NLRC5: variants seen among roughly 807,000 people sequenced by gnomAD.
NLRC5 encodes the protein NLR family CARD domain containing 5.
A neutral mutation model predicts 206.9 loss-of-function variants in NLRC5; 114 were observed. That is an observed-to-expected ratio of 0.55 (90% CI 0.47 to 0.64). The LOEUF is 0.64. Ranked by LOEUF, NLRC5 falls within the 30% of genes least tolerant of loss-of-function variation. The pLI, the probability that NLRC5 is intolerant of heterozygous loss-of-function variation, is 0.00. For synonymous variants in NLRC5, 952 were observed against 962.8 expected, an observed-to-expected ratio of 0.99 and a Z score of 0.21; for missense variants, 2,008 against 2,305.5, an observed-to-expected ratio of 0.87 and a Z score of 2.64.
rs1446249343 is a variant in NLRC5 at position 57,040,679 on chromosome 16, A to C, written c.2900A>C (p.Gln967Pro). 6.2e-7 allele frequency: 1 copy of C among 1,614,156 alleles called. No individual in the cohort carries two copies. The highest frequency in any genetic ancestry group is 8.5e-7 in the Non-Finnish European group (1 of 1,180,020). ...RAAFLDSLML[Q>P]MPSELPLSSR... ...GCATTTCTTGACAGCCTCATGCTCC[A>C]GATGCCCTCTGAGCTGCCTCTGAGC... is the stretch of plus-strand genomic sequence containing the variant. The change falls in exon 17 of 49, where the codon CAG (glutamine) becomes CCG (proline). Residue 967 changes from glutamine (Q) to proline (P), a missense_variant. Physicochemically the swap from Gln to Pro is moderately conservative, Grantham distance 76 (BLOSUM62 -1). Transcript: ENST00000688547.
chr16:57,036,032 G>A lies in NLRC5; in HGVS notation c.2628-68G>A, dbSNP rs2062523503. Reference sequence around the variant, plus strand: ...ACTTTGACTAAAGTTAGCAAAGGAGGAGTAAGTGATGGGGATTGAGGGAGG... The same window carrying A: ...ACTTTGACTAAAGTTAGCAAAGGAGAAGTAAGTGATGGGGATTGAGGGAGG... On this transcript the variant is annotated intron_variant, in intron 13 of 48. Transcript: ENST00000688547. The A allele has an allele frequency of 2.8e-6, 4 of 1,414,928 alleles. No homozygotes were observed. The South Asian group carries it at 4.6e-5, about 16-fold the overall frequency. The allele number at this position is 1,414,928 out of a possible 1,614,324, so 87.6% of individuals were successfully genotyped here.
In NLRC5 at chr16:57,081,593, T is replaced by C. The variant is rs1362737210; in HGVS notation, c.5472T>C (p.Ser1824=). The C allele has an allele frequency of 6.2e-7, 1 of 1,614,054 alleles. No homozygotes were observed. Among genetic ancestry groups the C allele is most frequent in the Admixed American group, 1.7e-5 (1 of 60,016 alleles). Residue 1824 remains serine, a synonymous_variant, in exon 48 of 49, where the codon TCT becomes TCC. Transcript: ENST00000688547. ...TGGCTGAAGGACTGGCCCAGGGGTC[T>C]AGCATCCAAGTCATCCGGTAACAGA... ...WLLAEGLAQG[S]SIQVIRLWNN... is the part of the protein sequence containing the mutation.
In NLRC5 at chr16:57,045,531, G is replaced by T. The variant is rs191242097; in HGVS notation, c.3248+39G>T. The stretch of plus-strand genomic sequence containing the variant: ...GCTCGGGGTGGGGGAGTCCCCTCCC[G>T]CTCTGGTCCCCGTCTGTTGGAGGTC... On this transcript the variant is annotated intron_variant, in intron 21 of 48. Transcript: ENST00000688547. The T allele has an allele frequency of 1.9e-6, 3 of 1,598,366 alleles. No individual in the cohort carries two copies. The Admixed American group carries it at 5.0e-5, about 27-fold the overall frequency.
chr16:57,007,136 G>T (rs990348790), intron 1 of NLRC5, among the ~76,000 whole-genome samples: 1 of 152,112 alleles, frequency 6.6e-6, no homozygotes, highest in Non-Finnish European at 1.5e-5. Context: ...AGTGGAAAAG[G>T]CTCTCCTTTC....
intron 6 of NLRC5, among the ~76,000 whole-genome samples, chr16:57,027,620 T>A (rs142187323): frequency 2.2e-4 from 32 of 144,636 alleles, no homozygotes; most frequent in African/African-American, 8.2e-4. Flanking sequence ...CACGCAGTCA[T>A]GCAGGTACCC....
At chr16:57,077,421 C>G in intron 41 of NLRC5, 42 bp downstream of exon 41, 4 of 1,556,874 alleles carry the variant, frequency 2.6e-6, no homozygotes, top group Non-Finnish European at 3.5e-6. Context: ...AGGGGTCACA[C>G]GATGGTCCTA....
At chr16:57,010,855 G>C (rs1172696678) in intron 1 of NLRC5, among the ~76,000 whole-genome samples, 15 of 151,712 alleles carry the variant, frequency 9.9e-5, no homozygotes. Flanking sequence ...TACACATTGG[G>C]GAAATGTCTA....
At chr16:57,046,775 A>G (rs2064033505) in intron 22 of NLRC5, 134 bp downstream of exon 22, 3 of 733,958 alleles carry the variant, frequency 4.1e-6, no homozygotes, top group Non-Finnish European at 6.6e-6. Context: ...AAAGGAAAAG[A>G]AAGAGGCGTG....
chr16:57,070,596 A>C lies in NLRC5; in HGVS notation c.4645A>C (p.Lys1549Gln). 3 of 1,614,036 alleles carry C rather than the reference A, an allele frequency of 1.9e-6. No individual in the cohort carries two copies. The highest frequency in any genetic ancestry group is 2.5e-6 in the Non-Finnish European group (3 of 1,179,974). Residue 1549 changes from lysine to glutamine, a missense_variant, in exon 38 of 49, where the codon AAA becomes CAA. Transcript: ENST00000688547. The part of the protein sequence containing the change: ...TKALMRALEG[K>Q]WMLKRLDLSH... ...GGCGCTGATGAGGGCCCTTGAGGGG[A>C]AATGGATGCTAAAGAGGCTGGAGTA...
chr16:57,039,816 A>G lies in NLRC5; in HGVS notation c.2837A>G (p.Gln946Arg), dbSNP rs1483190404. The G allele has an allele frequency of 6.2e-7, 1 of 1,614,060 alleles. No homozygotes were observed. Among genetic ancestry groups the G allele is most frequent in the African/African-American group, 1.3e-5 (1 of 74,928 alleles). Residue 946 changes from glutamine to arginine, a missense_variant, in exon 16 of 49, where the codon CAG (glutamine) becomes CGG (arginine). Transcript: ENST00000688547. ...AAAACTGTGATCTTCATGTTTGCCC[A>G]GGAGCCAGAGGAGCAGAAGGGGCCC... ...QHKTVIFMFA[Q>R]EPEEQKGPQE...
rs1210395086 is a variant in NLRC5 at position 57,052,073 on chromosome 16, CTGCTTTTT to C, written c.3506+453_3506+460del. Among the ~76,000 whole-genome samples, 466 of 152,330 alleles carry C rather than the reference CTGCTTTTT, an allele frequency of 3.1e-3. 1 individual carries two copies. The highest frequency in any genetic ancestry group is 4.6e-3 in the Admixed American group (71 of 15,304). On this transcript the variant is annotated intron_variant, in intron 24 of 48. Transcript: ENST00000688547. Reference sequence around the variant, plus strand: ...ATGTAGGTCCTGTACTTATCACATGCTGCTTTTTAAAGGTCACCGTCAAACTCGCAAAA... The same window carrying C: ...ATGTAGGTCCTGTACTTATCACATGCAAAGGTCACCGTCAAACTCGCAAAA...
chr16:57,009,026 C>T (rs2059206139), intron 1 of NLRC5, among the ~76,000 whole-genome samples: 1 of 152,222 alleles, frequency 6.6e-6, no homozygotes, highest in Non-Finnish European at 1.5e-5. Flanking sequence ...TGCACGGTGG[C>T]TCACGCCTGT....
intron 23 of NLRC5, among the ~76,000 whole-genome samples, chr16:57,049,801 C>T (rs2064605839): frequency 6.6e-6 from 1 of 152,074 alleles, no homozygotes; most frequent in African/African-American, 2.4e-5. Flanking sequence ...GCGGTCTGAG[C>T]ACAGGTGGGA....
rs573433742 is a variant in NLRC5 at position 57,009,014 on chromosome 16, C to T, written c.-127-8060C>T. On this transcript the variant is annotated intron_variant, in intron 1 of 48. Coordinates refer to ENST00000688547, the MANE Select transcript of NLRC5 (RefSeq NM_001384950.1). ...GATTTAAAATTATAAGAAAATAGGC[C>T]GTGCACGGTGGCTCACGCCTGTAAT... Among the ~76,000 whole-genome samples the T allele has an allele frequency of 7.2e-5, 11 of 152,214 alleles. No homozygotes were observed. In the South Asian group the frequency reaches 1.9e-3, roughly 26 times the overall value.
rs750602766 is a variant in NLRC5, at chr16:57,026,458, C to T, written c.1515C>T (p.His505=). The T allele has an allele frequency of 1.9e-5, 30 of 1,614,046 alleles. No homozygotes were observed. Among genetic ancestry groups the T allele is most frequent in the African/African-American group, 2.7e-5 (2 of 74,940 alleles). ...TSFCVCTGPG[H]QQTGYAFTHL... ...TCTGCGTCTGCACAGGCCCTGGGCACCAGCAGACAGGCTATGCTTTCACCC... is the reference window on the plus strand; with the variant it reads ...TCTGCGTCTGCACAGGCCCTGGGCATCAGCAGACAGGCTATGCTTTCACCC... The change falls in exon 6 of 49, where the codon CAC becomes CAT. Residue 505 remains histidine, a synonymous_variant. Transcript: ENST00000688547.
chr16:57,016,264 C>T (rs777110908), intron 1 of NLRC5, among the ~76,000 whole-genome samples: 11 of 152,092 alleles, frequency 7.2e-5, no homozygotes, highest in African/African-American at 1.9e-4. Context: ...TGTTATTAGT[C>T]CCCCAGGACC....
Position 57,025,952 on chromosome 16 carries a change from C to T in NLRC5, c.1009C>T (p.Leu337=), listed in dbSNP as rs777351415. Reference sequence around the variant, plus strand: ...CTCCCATCTCTGCAATGGGACCCTCCTGCCTGGCTGCCGGGTGATGGCTAC... The same window carrying T: ...CTCCCATCTCTGCAATGGGACCCTCTTGCCTGGCTGCCGGGTGATGGCTAC... The part of the protein sequence containing the change: ...LFSHLCNGTL[L]PGCRVMATSR... The change falls in exon 6 of 49, where the codon CTG becomes TTG. Residue 337 remains leucine (L), a synonymous_variant. Coordinates refer to ENST00000688547, the MANE Select transcript of NLRC5 (RefSeq NM_001384950.1). 2.5e-6 allele frequency: 4 copies of T among 1,614,162 alleles called. No homozygotes were observed. The highest frequency in any genetic ancestry group is 2.5e-6 in the Non-Finnish European group (3 of 1,180,040).
At chr16:57,002,645 G>GTTTTTTTTTTTTTT (rs61167610) in intron 1 of NLRC5, among the ~76,000 whole-genome samples, 1 of 94,734 alleles carries the variant, frequency 1.1e-5, no homozygotes, top group African/African-American at 3.9e-5. Context: ...GTTTTTTTTT[G>GTTTTTTTTTTTTTT]TTTTTTTTTT....
chr16:57,060,152 C>A (rs187356881), intron 30 of NLRC5, among the ~76,000 whole-genome samples: 33 of 151,740 alleles, frequency 2.2e-4, no homozygotes, highest in Middle Eastern at 6.9e-3. Flanking sequence ...CAAACTGATC[C>A]CTGCATCTTA....
Sources: gnomAD v4.1 joint callset for allele counts (sites outside exome capture counted in the v4.1 genomes callset) on GRCh38, gnomAD v4.1.1 for gene constraint, MANE v1.5 for transcripts, NCBI Gene and HGNC (gene_info 2026-07-23, HGNC 2026-07-21) for gene names.